Variants in MTREX observed in about 807,000 individuals in gnomAD.
MTREX encodes the protein exosome RNA helicase MTR4.
A neutral mutation model predicts 135.4 loss-of-function variants in MTREX; 76 were observed. The observed-to-expected ratio is 0.56, with a 90% confidence interval of 0.47 to 0.68. MTREX has a LOEUF of 0.68. Among genes scored for constraint, MTREX ranks in the 30% least tolerant of loss-of-function variants. The pLI, the probability that MTREX is intolerant of heterozygous loss-of-function variation, is 0.00. For synonymous variants in MTREX, 404 were observed against 401.6 expected (o/e 1.01, Z -0.07); for missense variants, 920 against 1,262.1 (o/e 0.73, Z 4.11).
rs1173787970 is a variant in MTREX, at chr5:55,425,007, T to C, written c.*235T>C. The stretch of plus-strand genomic sequence containing the variant: ...TGTTTTGGTGGAAGGCTTGGAGTTT[T>C]TTTAATGAGTTTAGAGCTATTAGAT... On this transcript the variant is annotated 3_prime_UTR_variant, in exon 27 of 27. Transcript: ENST00000230640. 2.6e-6 allele frequency: 2 copies of C among 770,226 alleles called. No homozygotes were observed. Among genetic ancestry groups the C allele is most frequent in the East Asian group, 5.3e-5 (2 of 38,066 alleles). 47.7% of individuals were successfully genotyped at this position (770,226 alleles called of 1,614,324 possible).
intron 5 of MTREX, among the ~76,000 whole-genome samples, chr5:55,339,044 A>C (rs1749600426): frequency 1.3e-5 from 2 of 151,934 alleles, no homozygotes; most frequent in South Asian, 4.2e-4. Context: ...CACCCACCTC[A>C]GCCTCCCTAA....
At chr5:55,376,759 G>A (rs1020960595) in intron 16 of MTREX, among the ~76,000 whole-genome samples, 2 of 152,136 alleles carry the variant, frequency 1.3e-5, no homozygotes, top group African/African-American at 4.8e-5. Flanking sequence ...AAAAAGAAGG[G>A]AGGGTATTTA....
Position 55,420,853 on chromosome 5 carries a change from G to A in MTREX, c.2972-2025G>A, listed in dbSNP as rs1252477255. Reference sequence around the variant, plus strand: ...ACACTTATTTAAAATAATTTATGGTGTGTGAATTCTGTCTCCATGTGAGTT... The same window carrying A: ...ACACTTATTTAAAATAATTTATGGTATGTGAATTCTGTCTCCATGTGAGTT... On this transcript the variant is annotated intron_variant, in intron 25 of 26. Coordinates refer to ENST00000230640, the MANE Select transcript of MTREX (RefSeq NM_015360.5). Among the ~76,000 whole-genome samples the A allele has an allele frequency of 5.9e-5, 9 of 152,210 alleles. No homozygotes were observed. In the East Asian group the frequency reaches 1.7e-3, roughly 29 times the overall value.
chr5:55,366,003 A>G (rs571033853), intron 15 of MTREX, among the ~76,000 whole-genome samples: 17 of 152,200 alleles, frequency 1.1e-4, no homozygotes, highest in African/African-American at 4.1e-4. Context: ...AAAAAAAAAA[A>G]AAACTTCTGA....
rs553922798 is a variant in MTREX at position 55,342,822 on chromosome 5, A to G, written c.782-509A>G. On this transcript the variant is annotated intron_variant, in intron 7 of 26. Transcript: ENST00000230640. ...TCAGAAATCCTTTGTTGATTTGTCTATTTTAGGAGGGAAGCTGTCAAACTT... is the reference window on the plus strand; with the variant it reads ...TCAGAAATCCTTTGTTGATTTGTCTGTTTTAGGAGGGAAGCTGTCAAACTT... Among the ~76,000 whole-genome samples, 8 of 152,276 alleles carry G rather than the reference A, an allele frequency of 5.3e-5. No individual in the cohort carries two copies. The East Asian group carries it at 5.8e-4, about 11-fold the overall frequency.
intron 18 of MTREX, among the ~76,000 whole-genome samples, chr5:55,383,762 T>C (rs1750434759): frequency 6.6e-6 from 1 of 152,152 alleles, no homozygotes; most frequent in African/African-American, 2.4e-5. Context: ...TCAGCCACTA[T>C]TTCTGTTTTT....
At chr5:55,381,119 G>A (rs1243429245) in intron 18 of MTREX, among the ~76,000 whole-genome samples, 3 of 152,042 alleles carry the variant, frequency 2.0e-5, no homozygotes, top group Non-Finnish European at 4.4e-5. Context: ...CATTAGTAGT[G>A]TCTCTTTCAT....
chr5:55,387,735 C>G (rs575823129), intron 18 of MTREX, among the ~76,000 whole-genome samples: 1 of 152,206 alleles, frequency 6.6e-6, no homozygotes, highest in South Asian at 2.1e-4. Context: ...ACACACTTGA[C>G]AGTGCTTGTA....
At chr5:55,366,021 C>T (rs1052285788) in intron 15 of MTREX, among the ~76,000 whole-genome samples, 13 of 151,488 alleles carry the variant, frequency 8.6e-5, no homozygotes, top group Non-Finnish European at 1.6e-4. Context: ...TGAAGAGACA[C>T]TGCTGAAAGA....
Position 55,404,699 on chromosome 5 carries a change from C to CA in MTREX, c.2482-725dup, listed in dbSNP as rs1339866826. Among the ~76,000 whole-genome samples, 5 of 152,238 alleles carry CA rather than the reference C, an allele frequency of 3.3e-5. No homozygotes were observed. In the South Asian group the frequency reaches 1.0e-3, roughly 32 times the overall value. ...TCACCACTGACTTTTTCTACTCTTACAGCCTACCTTGTCTAGCTCACAATA... is the reference window on the plus strand; with the variant it reads ...TCACCACTGACTTTTTCTACTCTTACAAGCCTACCTTGTCTAGCTCACAATA... On this transcript the variant is annotated intron_variant, in intron 21 of 26. Transcript: ENST00000230640.
chr5:55,345,075 A>T lies in MTREX; in HGVS notation c.1006-19A>T. 1 of 1,523,840 alleles carries T rather than the reference A, an allele frequency of 6.6e-7. No homozygotes were observed. The highest frequency in any genetic ancestry group is 1.2e-5 in the South Asian group (1 of 86,766). 94.4% of individuals were successfully genotyped at this position (1,523,840 alleles called of 1,614,324 possible). A position where few individuals can be genotyped will look rare whatever the true frequency, so the allele number is the denominator to read the frequency against. ...ATTAAGTATTAGTGAAGTTACACAG[A>T]AAAAATTTGTGATTCCAGGGTGACT... On this transcript the variant is annotated intron_variant, in intron 9 of 26. Transcript: ENST00000230640.
chr5:55,401,036 C>G (rs1416985934), intron 21 of MTREX, among the ~76,000 whole-genome samples: 1 of 152,000 alleles, frequency 6.6e-6, no homozygotes, highest in Non-Finnish European at 1.5e-5. Context: ...TGCGTCCGTG[C>G]ATGCGTGTGT....
intron 25 of MTREX, among the ~76,000 whole-genome samples, chr5:55,420,234 G>A (rs372410744): frequency 3.3e-5 from 5 of 152,238 alleles, no homozygotes; most frequent in South Asian, 2.1e-4. Context: ...TATTAAATTC[G>A]GGTCAGAGCA....
At chr5:55,371,062 A>G (rs902542596) in intron 16 of MTREX, among the ~76,000 whole-genome samples, 4 of 152,216 alleles carry the variant, frequency 2.6e-5, no homozygotes, top group Admixed American at 2.0e-4. Context: ...TGAAAAATGC[A>G]TACTTAATCT....
chr5:55,338,227 A>G (rs1180214471), intron 5 of MTREX, among the ~76,000 whole-genome samples: 1 of 152,078 alleles, frequency 6.6e-6, no homozygotes, highest in Non-Finnish European at 1.5e-5. Flanking sequence ...CTTACAGAGT[A>G]GTTTTATTTT....
At chr5:55,346,654 G>GT (rs1257965802) in intron 10 of MTREX, among the ~76,000 whole-genome samples, 1 of 151,938 alleles carries the variant, frequency 6.6e-6, no homozygotes, top group Non-Finnish European at 1.5e-5. Flanking sequence ...TTAAAAGTAT[G>GT]TTTTTTTATT....
At chr5:55,378,188 A>G in intron 16 of MTREX, 126 bp from the exon 17 acceptor site, 2 of 1,071,416 alleles carry the variant, frequency 1.9e-6, no homozygotes, top group African/African-American at 3.3e-5. Flanking sequence ...GACTTACAGG[A>G]AGGTGGAAGG....
In MTREX at chr5:55,366,943, T is replaced by C. The variant is rs1056227943; in HGVS notation, c.1810+68T>C. The C allele has an allele frequency of 3.9e-6, 5 of 1,266,776 alleles. No individual in the cohort carries two copies. In the Admixed American group the frequency reaches 7.5e-5, roughly 19 times the overall value. The allele number at this position is 1,266,776 out of a possible 1,614,324, so 78.5% of individuals were successfully genotyped here. On this transcript the variant is annotated intron_variant, in intron 16 of 26. Coordinates refer to ENST00000230640, the MANE Select transcript of MTREX (RefSeq NM_015360.5). ...ACTGACTAGCAAAATGTCTGCATTA[T>C]TGGCTGCTTTGGCTTTTGTTTTTGT...
chr5:55,314,155 C>A (rs150150339), intron 1 of MTREX, among the ~76,000 whole-genome samples: 2 of 152,210 alleles, frequency 1.3e-5, no homozygotes, highest in Non-Finnish European at 2.9e-5. Flanking sequence ...GAATAGATTC[C>A]TAGAAGCGAA....
Sources: allele counts gnomAD v4.1 joint callset (sites outside exome capture counted in the v4.1 genomes callset), GRCh38; gene constraint gnomAD v4.1.1; transcripts MANE v1.5; gene names NCBI Gene and HGNC (gene_info 2026-07-23, HGNC 2026-07-21).